The following CSMD3 variants were observed in gnomAD, a reference collection of about 807,000 sequenced individuals.
CSMD3 encodes the protein CUB and sushi domain-containing protein 3.
Under a neutral mutation model 435.2 loss-of-function variants are expected in CSMD3, and 177 were observed. The observed-to-expected ratio is 0.41, with a 90% confidence interval of 0.36 to 0.46. The LOEUF (loss-of-function observed/expected upper bound fraction) is 0.46. CSMD3 is among the 20% of genes least tolerant of loss of function. CSMD3 has a pLI of 0.34. For synonymous variants in CSMD3, 1,656 were observed against 1,520.5 expected, an observed-to-expected ratio of 1.09 and a Z score of -2.07; for missense variants, 4,265 against 4,504.6, an observed-to-expected ratio of 0.95 and a Z score of 1.52.
At chr8:112,865,954 G>T (rs577546389) in intron 10 of CSMD3, among the ~76,000 whole-genome samples, 11 of 152,026 alleles carry the variant, frequency 7.2e-5, no homozygotes, top group Admixed American at 2.6e-4. Context: ...TTTGGGCTTT[G>T]GTAGCAATTC....
At chr8:112,758,870 G>C (rs1317328671) in intron 13 of CSMD3, among the ~76,000 whole-genome samples, 2 of 152,078 alleles carry the variant, frequency 1.3e-5, no homozygotes, top group Non-Finnish European at 2.9e-5. Flanking sequence ...CTTAAGCAAT[G>C]ATTTGCATTT....
chr8:113,005,412 A>G (rs2086019658), intron 6 of CSMD3, among the ~76,000 whole-genome samples: 1 of 152,006 alleles, frequency 6.6e-6, no homozygotes, highest in Non-Finnish European at 1.5e-5. Flanking sequence ...AATCAAAAGT[A>G]TTTGATTCTC....
chr8:113,326,063 GT>G (rs1472408739), intron 1 of CSMD3, among the ~76,000 whole-genome samples: 3 of 152,148 alleles, frequency 2.0e-5, no homozygotes, highest in African/African-American at 7.2e-5. Flanking sequence ...GAGGGATTAT[GT>G]GTATATTTCA....
intron 8 of CSMD3, 72 bp downstream of exon 8, chr8:112,954,608 AACAC>A: frequency 1.1e-6 from 1 of 875,608 alleles, no homozygotes; most frequent in Non-Finnish European, 1.9e-6. Context: ...ATTTTGGTAA[AACAC>A]ATACAAACAA....
intron 12 of CSMD3, among the ~76,000 whole-genome samples, chr8:112,804,964 G>C (rs2079049427): frequency 6.6e-6 from 1 of 152,018 alleles, no homozygotes; most frequent in East Asian, 1.9e-4. Context: ...AGTAGTTGCT[G>C]GTGCTACTTA....
chr8:112,920,221 G>C (rs1385654758), intron 10 of CSMD3, among the ~76,000 whole-genome samples: 1 of 151,780 alleles, frequency 6.6e-6, no homozygotes, highest in African/African-American at 2.4e-5. Context: ...GGATAAAGGA[G>C]GGGGGAAAGA....
At position 112,682,452 on chromosome 8, in the gene CSMD3, T is replaced by C. The variant is rs1309626976; in HGVS notation, c.2667A>G (p.Pro889=). Residue 889 remains proline (P), a synonymous_variant, in exon 16 of 71, where the codon CCA becomes CCG. Transcript: ENST00000297405. ...DGKVMWSGLI[P]KCGAPCGGHF... is the part of the protein sequence containing the mutation. Reference sequence around the variant, plus strand: ...CACTACTACACTTACCTCCACATTTTGGAATCAGTCCACTCCACATTACTT... The same window carrying C: ...CACTACTACACTTACCTCCACATTTCGGAATCAGTCCACTCCACATTACTT... 2.5e-6 allele frequency: 4 copies of C among 1,611,516 alleles called. No homozygotes were observed. The African/African-American group carries it at 4.0e-5, about 16-fold the overall frequency.
intron 40 of CSMD3, among the ~76,000 whole-genome samples, chr8:112,346,780 G>T (rs557938790): frequency 2.1e-5 from 3 of 139,690 alleles, no homozygotes; most frequent in Non-Finnish European, 3.0e-5. Context: ...CCGGGTTCAC[G>T]CCACTGTCCT....
intron 29 of CSMD3, among the ~76,000 whole-genome samples, 169 bp downstream of exon 29, chr8:112,506,522 G>A (rs1364827654): frequency 6.6e-6 from 1 of 152,086 alleles, no homozygotes; most frequent in Non-Finnish European, 1.5e-5. Context: ...CTTGCCCAAG[G>A]TAACACAAAT....
chr8:113,238,427 A>C (rs1262836663), intron 3 of CSMD3, among the ~76,000 whole-genome samples: 3 of 152,100 alleles, frequency 2.0e-5, no homozygotes. Context: ...TACCATTTCC[A>C]TTTGACAAAT....
intron 13 of CSMD3, among the ~76,000 whole-genome samples, chr8:112,691,096 T>G (rs1220077096): frequency 6.6e-6 from 1 of 152,138 alleles, no homozygotes; most frequent in Non-Finnish European, 1.5e-5. Flanking sequence ...AACTATGCAG[T>G]ATTGTTTCAT....
chr8:112,778,962 GCC>G, intron 13 of CSMD3, among the ~76,000 whole-genome samples: 1 of 151,834 alleles, frequency 6.6e-6, no homozygotes. Context: ...ATGTTTAATT[GCC>G]ATCTGTGTAT....
At chr8:113,164,271 G>C (rs2092105520) in intron 4 of CSMD3, among the ~76,000 whole-genome samples, 1 of 151,520 alleles carries the variant, frequency 6.6e-6, no homozygotes, top group Non-Finnish European at 1.5e-5. Context: ...ATTTTTTGCT[G>C]CATCAACTGC....
chr8:113,300,502 C>T (rs367763741), intron 2 of CSMD3, among the ~76,000 whole-genome samples: 9 of 152,130 alleles, frequency 5.9e-5, no homozygotes, highest in East Asian at 5.8e-4. Flanking sequence ...AAGTACTGTG[C>T]AGCCATAAGA....
chr8:113,278,498 ATGT>A (rs199498587), intron 3 of CSMD3, 91 bp downstream of exon 3: 22,101 of 718,364 alleles, frequency 0.031, 470 homozygotes, highest in Non-Finnish European at 0.038. Flanking sequence ...AGACAACATG[ATGT>A]TGTCTCAAAT....
chr8:112,799,831 C>G (rs1452294061), intron 13 of CSMD3, among the ~76,000 whole-genome samples: 1 of 151,852 alleles, frequency 6.6e-6, no homozygotes. Context: ...TTAGTAGAAT[C>G]TTTGCCAGGA....
chr8:112,703,946 C>T (rs2076444367), intron 13 of CSMD3, among the ~76,000 whole-genome samples: 1 of 152,044 alleles, frequency 6.6e-6, no homozygotes, highest in South Asian at 2.1e-4. Context: ...GATGTAAACA[C>T]TGACATTTAA....
At chr8:112,495,694 T>C (rs1744234903) in intron 30 of CSMD3, among the ~76,000 whole-genome samples, 1 of 152,134 alleles carries the variant, frequency 6.6e-6, no homozygotes. Flanking sequence ...TTTTAGTTTC[T>C]GAATAAAAAT....
Position 112,445,372 on chromosome 8 carries a change from T to C in CSMD3, c.5395+27219A>G, listed in dbSNP as rs956790917. Among the ~76,000 whole-genome samples, 11 of 152,282 alleles carry C rather than the reference T, an allele frequency of 7.2e-5. No homozygotes were observed. In the East Asian group the frequency reaches 1.4e-3, roughly 19 times the overall value. On this transcript the variant is annotated intron_variant, in intron 32 of 70. Coordinates refer to ENST00000297405, the MANE Select transcript of CSMD3 (RefSeq NM_198123.2). ...AAAGAAAATAGATTCAATTGGCTCATGGTTCTGCAGGCTGTACAGGATACA... is the reference window on the plus strand; with the variant it reads ...AAAGAAAATAGATTCAATTGGCTCACGGTTCTGCAGGCTGTACAGGATACA...
Sources: gnomAD v4.1 joint callset for allele counts (sites outside exome capture counted in the v4.1 genomes callset) on GRCh38, gnomAD v4.1.1 for gene constraint, MANE v1.5 for transcripts, NCBI Gene and HGNC (gene_info 2026-07-23, HGNC 2026-07-21) for gene names.